RFX7: variants seen among roughly 807,000 people sequenced by gnomAD.
RFX7 encodes DNA-binding protein RFX7.
A neutral mutation model predicts 111.8 loss-of-function variants in RFX7; 26 were observed. The observed-to-expected ratio is 0.23, with a 90% CI of 0.17 to 0.32. The LOEUF (loss-of-function observed/expected upper bound fraction) is 0.32, where lower values mean the gene tolerates loss of function less well. Among genes scored for constraint, RFX7 ranks in the 10% least tolerant of loss-of-function variants. The pLI is 1.00. For synonymous variants in RFX7, 624 were observed against 624.4 expected (o/e 1.00, Z 0.01); for missense variants, 1,573 against 1,772.9 (o/e 0.89, Z 2.02).
In RFX7 at chr15:56,101,413, A is replaced by G; in HGVS notation, c.757T>C (p.Tyr253His). Residue 253 changes from tyrosine (Y) to histidine (H), a missense_variant, in exon 8 of 10, where the codon TAT becomes CAT. This residue lies in a region of RFX7 where 288 missense variants were observed against 337.9 expected (regional missense o/e 0.85). Transcript: ENST00000559447. ...GCTGCCATTGACTTGGTGCCTATAT[A>G]GTGACTTTTTACAAGGAAGCGGGCT... The part of the protein sequence containing the change: ...ELARFLVKSH[Y>H]IGTKSMAALT... 6.2e-7 allele frequency: 1 copy of G among 1,611,134 alleles called. No individual in the cohort carries two copies. The highest frequency in any genetic ancestry group is 8.5e-7 in the Non-Finnish European group (1 of 1,178,776).
At chr15:56,179,330 TA>T in intron 2 of RFX7, 27 bp from the exon 3 acceptor site, 1 of 1,205,506 alleles carries the variant, frequency 8.3e-7, no homozygotes, top group Non-Finnish European at 1.1e-6. Context: ...GTTAGGTTAG[TA>T]AAATGAAAAG....
chr15:56,238,405 T>C (rs1299119525), intron 2 of RFX7, among the ~76,000 whole-genome samples: 1 of 152,216 alleles, frequency 6.6e-6, no homozygotes, highest in Non-Finnish European at 1.5e-5. Context: ...CTACTTTTAT[T>C]ATAATCTTCA....
At chr15:56,123,496 G>A (rs1478525607) in intron 5 of RFX7, among the ~76,000 whole-genome samples, 2 of 152,168 alleles carry the variant, frequency 1.3e-5, no homozygotes, top group African/African-American at 4.8e-5. Flanking sequence ...GAAGGAAGGG[G>A]TTCTTTCAGA....
At chr15:56,240,724 C>T (rs1461416000) in intron 2 of RFX7, among the ~76,000 whole-genome samples, 1 of 151,960 alleles carries the variant, frequency 6.6e-6, no homozygotes, top group East Asian at 1.9e-4. Flanking sequence ...AATAATGGCA[C>T]CAAAGGATGA....
chr15:56,138,984 C>T (rs28808273), intron 5 of RFX7, among the ~76,000 whole-genome samples: 3,899 of 152,008 alleles, frequency 0.026, 136 homozygotes, highest in African/African-American at 0.079. Context: ...CCGAGAGATC[C>T]GCTGTTAGTC....
intron 3 of RFX7, among the ~76,000 whole-genome samples, chr15:56,165,586 G>A (rs1393633375): frequency 1.3e-5 from 2 of 151,972 alleles, no homozygotes; most frequent in African/African-American, 4.8e-5. Context: ...AGCCATATAC[G>A]TACCAATGAG....
chr15:56,139,868 C>A (rs534804127), intron 5 of RFX7, among the ~76,000 whole-genome samples: 18 of 152,176 alleles, frequency 1.2e-4, no homozygotes, highest in African/African-American at 4.1e-4. Flanking sequence ...TGTTGGAATA[C>A]GCTGCAGTGT....
intron 3 of RFX7, among the ~76,000 whole-genome samples, chr15:56,166,920 A>G (rs1197685000): frequency 1.3e-5 from 2 of 152,142 alleles, no homozygotes; most frequent in Non-Finnish European, 2.9e-5. Context: ...CCTTTTGCAT[A>G]ACATATTCCT....
chr15:56,216,680 A>G (rs1264274696), intron 2 of RFX7, among the ~76,000 whole-genome samples: 1 of 152,188 alleles, frequency 6.6e-6, no homozygotes, highest in East Asian at 1.9e-4. Flanking sequence ...TTAACTCATT[A>G]ATTTTCAACT....
intron 2 of RFX7, among the ~76,000 whole-genome samples, chr15:56,212,079 G>C (rs191432419): frequency 6.6e-6 from 1 of 152,112 alleles, no homozygotes; most frequent in Non-Finnish European, 1.5e-5. Flanking sequence ...AGATTTATTT[G>C]CAACAGTCAA....
intron 3 of RFX7, among the ~76,000 whole-genome samples, chr15:56,151,191 T>C (rs2042564680): frequency 6.6e-6 from 1 of 152,122 alleles, no homozygotes; most frequent in Non-Finnish European, 1.5e-5. Flanking sequence ...AACATTCAAA[T>C]TTAGGAAATA....
chr15:56,194,578 A>ATTTACT (rs1198571593), intron 2 of RFX7, among the ~76,000 whole-genome samples: 1 of 152,028 alleles, frequency 6.6e-6, no homozygotes, highest in Non-Finnish European at 1.5e-5. Flanking sequence ...AATGAAAACT[A>ATTTACT]TTTACTTTTA....
intron 5 of RFX7, among the ~76,000 whole-genome samples, chr15:56,121,330 C>T (rs1317085156): frequency 6.6e-6 from 1 of 152,164 alleles, no homozygotes; most frequent in Non-Finnish European, 1.5e-5. Flanking sequence ...TTGCAAGGTT[C>T]CCACTGAAAA....
chr15:56,096,761 T>A, intron 9 of RFX7, 141 bp from the exon 10 acceptor site: 1 of 821,546 alleles, frequency 1.2e-6, no homozygotes, highest in Non-Finnish European at 1.8e-6. Context: ...AGAGTTCTTC[T>A]AGACCAGGTT....
chr15:56,143,401 A>G (rs1284727890), intron 4 of RFX7, among the ~76,000 whole-genome samples: 3 of 151,952 alleles, frequency 2.0e-5, no homozygotes, highest in Non-Finnish European at 2.9e-5. Context: ...AACTACTTGG[A>G]AATCTTACTA....
At chr15:56,136,223 C>T (rs1363642391) in intron 5 of RFX7, among the ~76,000 whole-genome samples, 31 of 148,762 alleles carry the variant, frequency 2.1e-4, no homozygotes, top group South Asian at 6.6e-4. Context: ...GCCATTTTCA[C>T]GATATTGATT....
chr15:56,226,687 T>C (rs2141223618), intron 2 of RFX7, among the ~76,000 whole-genome samples: 1 of 152,312 alleles, frequency 6.6e-6, no homozygotes, highest in East Asian at 1.9e-4. Flanking sequence ...TTGTAAATAC[T>C]TAAGCATTGT....
At chr15:56,129,317 G>A (rs2042183490) in intron 5 of RFX7, among the ~76,000 whole-genome samples, 1 of 151,574 alleles carries the variant, frequency 6.6e-6, no homozygotes, top group Non-Finnish European at 1.5e-5. Context: ...AGAGGTTGTA[G>A]TGAGCCGAGA....
chr15:56,171,857 G>C (rs2042848577), intron 3 of RFX7, among the ~76,000 whole-genome samples: 2 of 152,188 alleles, frequency 1.3e-5, no homozygotes, highest in East Asian at 1.9e-4. Context: ...GGATTATATG[G>C]GCCTAGAGCT....
Sources: allele counts gnomAD v4.1 joint callset (sites outside exome capture counted in the v4.1 genomes callset), GRCh38; gene constraint gnomAD v4.1.1; regional missense constraint gnomAD v4.1.1; transcripts MANE v1.5; gene names NCBI Gene and HGNC (gene_info 2026-07-23, HGNC 2026-07-21).